Variants in SCD5 observed in about 807,000 individuals in gnomAD.
SCD5 encodes the protein acyl-CoA-desaturase 4.
Under a neutral mutation model 30.4 loss-of-function variants are expected in SCD5, and 20 were observed. That is an observed-to-expected ratio of 0.66 (90% CI 0.46 to 0.96). SCD5 has a LOEUF of 0.96. Among genes scored for constraint, SCD5 ranks in the 40% least tolerant of loss-of-function variants. The pLI is 0.00. For missense variants in SCD5, 381 were observed against 443.3 expected (o/e 0.86, Z 1.26); for synonymous variants, 173 against 176.4 (o/e 0.98, Z 0.16).
In SCD5 at chr4:82,636,808, G is replaced by A. The variant is rs781692263; in HGVS notation, c.585C>T (p.Ser195=). ...VRIQRKYYKI[S]VVLMCFVVPT... is the part of the protein sequence containing the mutation. The stretch of plus-strand genomic sequence containing the variant: ...GGACCACAAAGCACATGAGCACCAC[G>A]GAGATCTTATAGTACCTACAGGGCA... The change falls in exon 4 of 5, where the codon TCC becomes TCT. Residue 195 remains serine, a synonymous_variant. Coordinates refer to ENST00000319540, the MANE Select transcript of SCD5 (RefSeq NM_001037582.3). 1.6e-5 allele frequency: 26 copies of A among 1,612,702 alleles called. No homozygotes were observed. The highest frequency in any genetic ancestry group is 4.5e-5 in the East Asian group (2 of 44,850).
intron 2 of SCD5, among the ~76,000 whole-genome samples, chr4:82,694,806 G>C (rs375673966): frequency 4.5e-4 from 68 of 152,320 alleles, no homozygotes; most frequent in African/African-American, 1.5e-3. Flanking sequence ...TGCTGTCTCA[G>C]AGGTGGTGGA....
At chr4:82,670,256 A>G (rs1446116495) in intron 3 of SCD5, among the ~76,000 whole-genome samples, 1 of 152,218 alleles carries the variant, frequency 6.6e-6, no homozygotes, top group African/African-American at 2.4e-5. Flanking sequence ...TAAGGGCTGT[A>G]ACAGACACAG....
intron 2 of SCD5, among the ~76,000 whole-genome samples, chr4:82,682,052 C>T (rs1472462053): frequency 1.3e-5 from 2 of 152,202 alleles, no homozygotes; most frequent in East Asian, 3.8e-4. Context: ...AGAAGGGGGA[C>T]AACTTTGGCT....
At chr4:82,632,121 G>T (rs1727307713) in intron 4 of SCD5, among the ~76,000 whole-genome samples, 1 of 151,656 alleles carries the variant, frequency 6.6e-6, no homozygotes, top group Non-Finnish European at 1.5e-5. Flanking sequence ...GTGCCATGTT[G>T]GTTTGCTGCA....
intron 1 of SCD5, among the ~76,000 whole-genome samples, chr4:82,722,878 G>T (rs1054851741): frequency 1.3e-5 from 2 of 151,844 alleles, no homozygotes; most frequent in Non-Finnish European, 2.9e-5. Flanking sequence ...GACCAGCTTC[G>T]CCAACGTAGT....
intron 1 of SCD5, among the ~76,000 whole-genome samples, chr4:82,747,069 GC>G (rs151046123): frequency 0.18 from 25,801 of 139,792 alleles, 3,231 homozygotes; most frequent in African/African-American, 0.28. Flanking sequence ...TGGGCAACCT[GC>G]CCCCCAAGAA....
intron 1 of SCD5, among the ~76,000 whole-genome samples, chr4:82,747,723 C>A (rs952782435): frequency 7.9e-5 from 12 of 152,320 alleles, no homozygotes; most frequent in East Asian, 7.7e-4. Flanking sequence ...GACCAGGCAG[C>A]CATCAATACG....
chr4:82,738,281 G>A (rs916663055), intron 1 of SCD5, among the ~76,000 whole-genome samples: 1 of 152,130 alleles, frequency 6.6e-6, no homozygotes, highest in African/African-American at 2.4e-5. Flanking sequence ...AATTAGCTGG[G>A]TGTGGTGGCG....
rs1162323111 is a variant in SCD5 at position 82,642,544 on chromosome 4, T to G, written c.570-5721A>C. ...CTTCCCCAGCCCTGGCTGACTTGCC[T>G]CTTCCAAGCATCAGTCTGAACATCA... On this transcript the variant is annotated intron_variant, in intron 3 of 4. Coordinates refer to ENST00000319540, the MANE Select transcript of SCD5 (RefSeq NM_001037582.3). Among the ~76,000 whole-genome samples the G allele has an allele frequency of 7.2e-5, 11 of 152,308 alleles. No homozygotes were observed. In the South Asian group the frequency reaches 1.9e-3, roughly 26 times the overall value.
chr4:82,660,960 T>A, intron 3 of SCD5: 1 of 1,614,182 alleles, frequency 6.2e-7, no homozygotes, highest in East Asian at 2.2e-5. Flanking sequence ...GTAACAAAGC[T>A]AAAATGTGTA....
At chr4:82,668,049 A>AAAC (rs1728229681) in intron 3 of SCD5, among the ~76,000 whole-genome samples, 1 of 152,356 alleles carries the variant, frequency 6.6e-6, no homozygotes, top group Admixed American at 6.5e-5. Flanking sequence ...TCCCCACCAA[A>AAAC]AACAACAACA....
intron 1 of SCD5, among the ~76,000 whole-genome samples, chr4:82,706,664 A>G (rs1296123926): frequency 2.6e-5 from 4 of 152,256 alleles, no homozygotes; most frequent in East Asian, 1.9e-4. Context: ...CAAAGATTAC[A>G]TATTACCAAG....
chr4:82,794,375 G>C (rs1722164730), intron 1 of SCD5, among the ~76,000 whole-genome samples: 1 of 152,148 alleles, frequency 6.6e-6, no homozygotes, highest in Admixed American at 6.5e-5. Context: ...AGGGGACTCG[G>C]ATGACATTTA....
intron 1 of SCD5, among the ~76,000 whole-genome samples, chr4:82,783,208 T>C (rs991271490): frequency 7.9e-5 from 12 of 152,174 alleles, no homozygotes; most frequent in Admixed American, 7.9e-4. Context: ...GCTTCTCTGT[T>C]TCCACCCATC....
At chr4:82,783,928 C>T (rs1198098959) in intron 1 of SCD5, among the ~76,000 whole-genome samples, 1 of 151,730 alleles carries the variant, frequency 6.6e-6, no homozygotes, top group African/African-American at 2.4e-5. Context: ...AAAATATACA[C>T]TAAAATATTT....
chr4:82,677,287 A>C (rs1293844234), intron 3 of SCD5, among the ~76,000 whole-genome samples: 1 of 152,230 alleles, frequency 6.6e-6, no homozygotes, highest in Non-Finnish European at 1.5e-5. Context: ...TAGGAAAGTC[A>C]TACAAGAGCA....
intron 2 of SCD5, among the ~76,000 whole-genome samples, chr4:82,691,014 G>GT: frequency 7.2e-6 from 1 of 138,250 alleles, no homozygotes; most frequent in East Asian, 2.0e-4. Flanking sequence ...TTGTTTTTTT[G>GT]TTTGTTTGTT....
chr4:82,683,691 T>C (rs947139204), intron 2 of SCD5, among the ~76,000 whole-genome samples: 2 of 152,358 alleles, frequency 1.3e-5, no homozygotes, highest in East Asian at 1.9e-4. Context: ...GGGAAGGACC[T>C]GGTGGGAGGT....
rs1367800006 is a variant in SCD5 at position 82,752,689 on chromosome 4, C to T, written c.232+45617G>A. On this transcript the variant is annotated intron_variant, in intron 1 of 4. Coordinates refer to ENST00000319540, the MANE Select transcript of SCD5 (RefSeq NM_001037582.3). ...CTGGAGAAGCCTATGTATTTGTTTG[C>T]ATGGAATCCTCGCCCTGTGAGCACA... is the stretch of plus-strand genomic sequence containing the variant. Among the ~76,000 whole-genome samples the T allele has an allele frequency of 2.0e-5, 3 of 152,110 alleles. No homozygotes were observed. In the East Asian group the frequency reaches 5.8e-4, roughly 29 times the overall value.
Sources: gnomAD v4.1 joint callset for allele counts (sites outside exome capture counted in the v4.1 genomes callset) on GRCh38, gnomAD v4.1.1 for gene constraint, MANE v1.5 for transcripts, NCBI Gene and HGNC (gene_info 2026-07-23, HGNC 2026-07-21) for gene names.